The following TERT variants were observed in gnomAD, a reference collection of about 807,000 sequenced individuals.
The protein encoded by TERT is telomerase catalytic subunit.
Under a neutral mutation model 104.0 loss-of-function variants are expected in TERT, and 42 were observed. That is an observed-to-expected ratio of 0.40 (90% CI 0.32 to 0.52). The LOEUF is 0.52. Ranked by LOEUF, TERT falls within the 20% of genes least tolerant of loss-of-function variation. The probability of loss-of-function intolerance (pLI) is 0.43; values close to 1 mark genes in which losing one functional copy is unlikely to be tolerated. For missense variants in TERT, 1,101 were observed against 1,610.3 expected, an observed-to-expected ratio of 0.68 and a Z score of 5.41; for synonymous variants, 781 against 725.6, an observed-to-expected ratio of 1.08 and a Z score of -1.23.
rs550394168 is a variant in TERT at position 1,286,241 on chromosome 5, C to T, written c.1574-3617G>A. Reference sequence around the variant, plus strand: ...CATAAGCAGAGGTCCCCGGACGTCGCTAGATGCCATGGAGGCCAGCACAGG... The same window carrying T: ...CATAAGCAGAGGTCCCCGGACGTCGTTAGATGCCATGGAGGCCAGCACAGG... On this transcript the variant is annotated intron_variant, in intron 2 of 15. Coordinates refer to ENST00000310581, the MANE Select transcript of TERT (RefSeq NM_198253.3). The surrounding 1 kb of genome is among the most constrained non-coding windows in gnomAD (Gnocchi z 5.3). 7.2e-5 allele frequency among the ~76,000 whole-genome samples: 11 copies of T among 152,278 alleles called. No homozygotes were observed. In the South Asian group the frequency reaches 2.3e-3, roughly 32 times the overall value.
In TERT at chr5:1,280,177, G is replaced by A. The variant is rs201927653; in HGVS notation, c.1931C>T (p.Thr644Met). 3.5e-5 allele frequency: 57 copies of A among 1,614,100 alleles called. No homozygotes were observed. The African/African-American group carries it at 6.0e-4, about 17-fold the overall frequency. ...VNMDYVVGAR[T>M]FRREKRAERL... Reference sequence around the variant, plus strand: ...AGCCACCCTCTTTTCTCTGCGGAACGTTCTGGCTCCCACGACGTAGTCCAT... The same window carrying A: ...AGCCACCCTCTTTTCTCTGCGGAACATTCTGGCTCCCACGACGTAGTCCAT... Residue 644 changes from threonine to methionine, a missense_variant, in exon 4 of 16, where the codon ACG becomes ATG. Physicochemically the swap from Thr to Met is moderately conservative, Grantham distance 81 (BLOSUM62 -1). Around this residue, in one of 5 missense-constraint regions of TERT, gnomAD observed 463 missense variants for 797.5 expected, o/e 0.58. Coordinates refer to ENST00000310581, the MANE Select transcript of TERT (RefSeq NM_198253.3).
Position 1,295,006 on chromosome 5 carries a change from G to A in TERT, c.-17C>T. The A allele has an allele frequency of 1.5e-6, 2 of 1,305,674 alleles. No individual in the cohort carries two copies. Among genetic ancestry groups the A allele is most frequent in the Non-Finnish European group, 1.9e-6 (2 of 1,032,194 alleles). The allele number at this position is 1,305,674 out of a possible 1,614,324, so 80.9% of individuals were successfully genotyped here. ...GCGCGGCATCGCGGGGGTGGCCGGG[G>A]CCAGGGCTTCCCACGTGCGCAGCAG... On this transcript the variant is annotated 5_prime_UTR_variant, in exon 1 of 16. Transcript: ENST00000310581.
rs763230587 is a variant in TERT, at chr5:1,265,315, C to T, written c.2655-723G>A. ...CTGGCCCTGGGACCTCGGCCAGCTGCGCAGCTCCCCTGGTGCATTCCCAGC... is the reference window on the plus strand; with the variant it reads ...CTGGCCCTGGGACCTCGGCCAGCTGTGCAGCTCCCCTGGTGCATTCCCAGC... On this transcript the variant is annotated intron_variant, in intron 10 of 15. Coordinates refer to ENST00000310581, the MANE Select transcript of TERT (RefSeq NM_198253.3). The surrounding 1 kb of genome is among the most constrained non-coding windows in gnomAD (Gnocchi z 6.9). 6.6e-6 allele frequency among the ~76,000 whole-genome samples: 1 copy of T among 152,122 alleles called. No individual in the cohort carries two copies. Among genetic ancestry groups the T allele is most frequent in the Non-Finnish European group, 1.5e-5 (1 of 68,006 alleles).
intron 10 of TERT, 39 bp downstream of exon 10, chr5:1,266,425 G>A: frequency 6.5e-7 from 1 of 1,547,264 alleles, no homozygotes; most frequent in Non-Finnish European, 8.9e-7. Context: ...AAGCCCACAG[G>A]CTGTGGAGGT....
chr5:1,282,414 G>T lies in TERT; in HGVS notation c.1769+15C>A. On this transcript the variant is annotated intron_variant, in intron 3 of 15. Coordinates refer to ENST00000310581, the MANE Select transcript of TERT (RefSeq NM_198253.3). ...GGACTTCGAGAAGCAGAGGCCTGGC[G>T]TGGGGATACAGTACCTGATTCCAAT... is the stretch of plus-strand genomic sequence containing the variant. 6.2e-7 allele frequency: 1 copy of T among 1,613,146 alleles called. No individual in the cohort carries two copies. The highest frequency in any genetic ancestry group is 1.1e-5 in the South Asian group (1 of 90,878).
chr5:1,280,045 G>A, intron 4 of TERT, 113 bp downstream of exon 4: 2 of 1,388,958 alleles, frequency 1.4e-6, no homozygotes, highest in Admixed American at 1.7e-5. Flanking sequence ...CCGTGCCATG[G>A]CCCTGGCTGT....
chr5:1,287,507 A>AG lies in TERT; in HGVS notation c.1574-4884_1574-4883insC, dbSNP rs1561208855. On this transcript the variant is annotated intron_variant, in intron 2 of 15. Transcript: ENST00000310581. This position sits in a 1 kb window ranked among gnomAD's most constrained non-coding sequence, Gnocchi z 4.3. ...ACCAAGACTCTGTCTCAAAAAAAAA[A>AG]AATATATATATATATATATAAATTA... 7.5e-6 allele frequency among the ~76,000 whole-genome samples: 1 copy of AG among 132,662 alleles called. No individual in the cohort carries two copies. The highest frequency in any genetic ancestry group is 2.6e-4 in the South Asian group (1 of 3,774). 87.0% of individuals were successfully genotyped at this position (132,662 alleles called of 152,430 possible). A position where few individuals can be genotyped will look rare whatever the true frequency, so the allele number is the denominator to read the frequency against.
At position 1,266,549 on chromosome 5, in the gene TERT, A is replaced by G; in HGVS notation, c.2583-14T>C. 6.3e-7 allele frequency: 1 copy of G among 1,599,840 alleles called. No homozygotes were observed. The highest frequency in any genetic ancestry group is 1.1e-5 in the South Asian group (1 of 88,264). ...CGCAGGAGCAGCCTAAAATAAGGGA[A>G]AATACACAGCAAGGTTAACTTTACA... On this transcript the variant is annotated splice_polypyrimidine_tract_variant and intron_variant, in intron 9 of 15. Coordinates refer to ENST00000310581, the MANE Select transcript of TERT (RefSeq NM_198253.3).
chr5:1,264,010 C>T (rs1281819511), intron 11 of TERT, among the ~76,000 whole-genome samples: 1 of 137,006 alleles, frequency 7.3e-6, no homozygotes, highest in Non-Finnish European at 1.5e-5. Flanking sequence ...AGACTCACGC[C>T]CAGCAGGGCC....
rs1353723607 is a variant in TERT at position 1,288,787 on chromosome 5, T to C, written c.1573+4526A>G. On this transcript the variant is annotated intron_variant, in intron 2 of 15. Transcript: ENST00000310581. This position sits in a 1 kb window ranked among gnomAD's most constrained non-coding sequence, Gnocchi z 5.3. Reference sequence around the variant, plus strand: ...AGCTGGGAGAGGAGTATTGGCAGCATGCATGTGGCGGGCACGTGGTGAGCA... The same window carrying C: ...AGCTGGGAGAGGAGTATTGGCAGCACGCATGTGGCGGGCACGTGGTGAGCA... 6.6e-6 allele frequency among the ~76,000 whole-genome samples: 1 copy of C among 152,104 alleles called. No homozygotes were observed. Among genetic ancestry groups the C allele is most frequent in the Non-Finnish European group, 1.5e-5 (1 of 68,006 alleles).
Position 1,282,528 on chromosome 5 carries a change from A to G in TERT, c.1670T>C (p.Leu557Pro). 1 of 1,614,150 alleles carries G rather than the reference A, an allele frequency of 6.2e-7. No homozygotes were observed. The highest frequency in any genetic ancestry group is 8.5e-7 in the Non-Finnish European group (1 of 1,180,020). ...CTCCGTGACATAAAAGAAAGACCTGAGCAGCTCGACGACGTACACACTCAT... is the reference window on the plus strand; with the variant it reads ...CTCCGTGACATAAAAGAAAGACCTGGGCAGCTCGACGACGTACACACTCAT... ...WLMSVYVVEL[L>P]RSFFYVTETT... The change falls in exon 3 of 16, where the codon CTC becomes CCC. Residue 557 changes from leucine (L) to proline (P), a missense_variant. Leu to Pro is a moderately conservative substitution (Grantham distance 98, BLOSUM62 -3). This residue lies in a region of TERT where 504 missense variants were observed against 544.6 expected (regional missense o/e 0.93). Transcript: ENST00000310581.
At chr5:1,276,784 A>G (rs1749629423) in intron 6 of TERT, among the ~76,000 whole-genome samples, 1 of 152,260 alleles carries the variant, frequency 6.6e-6, no homozygotes, top group Non-Finnish European at 1.5e-5. Flanking sequence ...CACAACCTCA[A>G]TACCTTGAGT....
chr5:1,291,638 C>T (rs1488019963), intron 2 of TERT, among the ~76,000 whole-genome samples: 2 of 147,782 alleles, frequency 1.4e-5, no homozygotes, highest in East Asian at 2.0e-4. Flanking sequence ...CAGGGACACC[C>T]GGGGGCCACA....
chr5:1,279,844 C>T (rs890641001), intron 4 of TERT, among the ~76,000 whole-genome samples: 3 of 152,194 alleles, frequency 2.0e-5, no homozygotes, highest in Admixed American at 1.3e-4. Flanking sequence ...CGGAAGCGCA[C>T]GGAGGCTGCG....
In TERT at chr5:1,265,809, A is replaced by G. The variant is rs1207774472; in HGVS notation, c.2654+655T>C. 1.3e-5 allele frequency among the ~76,000 whole-genome samples: 2 copies of G among 152,082 alleles called. No individual in the cohort carries two copies. Among genetic ancestry groups the G allele is most frequent in the Non-Finnish European group, 2.9e-5 (2 of 67,992 alleles). The stretch of plus-strand genomic sequence containing the variant: ...GTCCCTCGTCAAATCGCACTTTAAA[A>G]CAAGCCCACCGGCTCTGTGGGGCGC... On this transcript the variant is annotated intron_variant, in intron 10 of 15. Transcript: ENST00000310581. This position sits in a 1 kb window ranked among gnomAD's most constrained non-coding sequence, Gnocchi z 6.9.
At chr5:1,291,896 A>C (rs545815294) in intron 2 of TERT, among the ~76,000 whole-genome samples, 2 of 152,340 alleles carry the variant, frequency 1.3e-5, no homozygotes, top group African/African-American at 4.8e-5. Context: ...GCTGGAGCAC[A>C]AAAAGCAAAA....
rs1261733945 is a variant in TERT, at chr5:1,268,072, G to A, written c.2582+448C>T. 2.0e-5 allele frequency among the ~76,000 whole-genome samples: 3 copies of A among 152,238 alleles called. No homozygotes were observed. The highest frequency in any genetic ancestry group is 1.3e-4 in the Admixed American group (2 of 15,282). On this transcript the variant is annotated intron_variant, in intron 9 of 15. Coordinates refer to ENST00000310581, the MANE Select transcript of TERT (RefSeq NM_198253.3). The surrounding 1 kb of genome is among the most constrained non-coding windows in gnomAD (Gnocchi z 5.5). The stretch of plus-strand genomic sequence containing the variant: ...TATTTAGGTGTGTGCGTCCTTGGGT[G>A]TAGACCCCATGCAAGTGGGATGGGC...
chr5:1,288,271 A>C lies in TERT; in HGVS notation c.1573+5042T>G, dbSNP rs1190020551. 6.6e-6 allele frequency among the ~76,000 whole-genome samples: 1 copy of C among 152,238 alleles called. No individual in the cohort carries two copies. Among genetic ancestry groups the C allele is most frequent in the African/African-American group, 2.4e-5 (1 of 41,474 alleles). On this transcript the variant is annotated intron_variant, in intron 2 of 15. Transcript: ENST00000310581. The surrounding 1 kb of genome is among the most constrained non-coding windows in gnomAD (Gnocchi z 5.3). ...TACTTCACATCAAAACACAGGGTGC[A>C]GGTAAGGCAGCACTTAGAGGGAAAG...
Position 1,270,538 on chromosome 5 carries a change from G to C in TERT, c.2468+581C>G, listed in dbSNP as rs1748947647. ...CCACCGTGAGTGTGGCTCACCCAGT[G>C]GCTGTGTGACGGCAGCTCTCCCAGG... On this transcript the variant is annotated intron_variant, in intron 8 of 15. Coordinates refer to ENST00000310581, the MANE Select transcript of TERT (RefSeq NM_198253.3). The surrounding 1 kb of genome is among the most constrained non-coding windows in gnomAD (Gnocchi z 8.3). 2.6e-5 allele frequency among the ~76,000 whole-genome samples: 4 copies of C among 152,190 alleles called. No individual in the cohort carries two copies. Among genetic ancestry groups the C allele is most frequent in the Admixed American group, 2.6e-4 (4 of 15,280 alleles).
Sources: allele counts gnomAD v4.1 joint callset (sites outside exome capture counted in the v4.1 genomes callset), GRCh38; gene constraint gnomAD v4.1.1; regional missense constraint gnomAD v4.1.1; non-coding constraint Gnocchi (gnomAD v3.1); transcripts MANE v1.5; gene names NCBI Gene and HGNC (gene_info 2026-07-23, HGNC 2026-07-21).